Variants in DHPS observed in about 807,000 individuals in gnomAD.
DHPS encodes deoxyhypusine synthase, also known as migration-inducing gene 13.
A neutral mutation model predicts 38.7 loss-of-function variants in DHPS; 24 were observed. That is an observed-to-expected ratio of 0.62 (90% CI 0.45 to 0.87). The LOEUF (loss-of-function observed/expected upper bound fraction) is 0.87. DHPS is among the 40% of genes least tolerant of loss of function. DHPS has a pLI of 0.00. For synonymous variants in DHPS, 250 were observed against 204.4 expected (o/e 1.22, Z -1.90); for missense variants, 510 against 497.6 (o/e 1.02, Z -0.24).
At chr19:12,680,425 A>T (rs2024767698) in intron 1 of DHPS, 100 bp from the exon 2 acceptor site, 18 of 1,292,410 alleles carry the variant, frequency 1.4e-5, no homozygotes, top group Non-Finnish European at 2.0e-5. Flanking sequence ...GGCCCTGCAC[A>T]TTCAGGGATA....
chr19:12,678,107 C>T lies in DHPS; in HGVS notation c.679-711G>A, dbSNP rs1333894259. Among the ~76,000 whole-genome samples, 3 of 151,656 alleles carry T rather than the reference C, an allele frequency of 2.0e-5. No homozygotes were observed. The East Asian group carries it at 5.9e-4, about 30-fold the overall frequency. On this transcript the variant is annotated intron_variant, in intron 5 of 8. Coordinates refer to ENST00000210060, the MANE Select transcript of DHPS (RefSeq NM_001930.4). ...GCCTCTACTAAAAATACAAAATTAGCCAGGGGTGGTGGCACATGCCTATAA... is the reference window on the plus strand; with the variant it reads ...GCCTCTACTAAAAATACAAAATTAGTCAGGGGTGGTGGCACATGCCTATAA...
chr19:12,675,269 T>C (rs191624205), downstream of DHPS, among the ~76,000 whole-genome samples: 11 of 152,172 alleles, frequency 7.2e-5, no homozygotes, highest in Middle Eastern at 3.4e-3. Flanking sequence ...TCTGCTATTT[T>C]AAAAAATAAA....
Position 12,680,355 on chromosome 19 carries a change from A to G in DHPS, c.208-30T>C, listed in dbSNP as rs751713688. On this transcript the variant is annotated intron_variant, in intron 1 of 8. Coordinates refer to ENST00000210060, the MANE Select transcript of DHPS (RefSeq NM_001930.4). Reference sequence around the variant, plus strand: ...GAGTAAGGGCCAAGTCAAGTTAAGCACTGGCCTTAAATCCCAGACTCAGGA... The same window carrying G: ...GAGTAAGGGCCAAGTCAAGTTAAGCGCTGGCCTTAAATCCCAGACTCAGGA... 10 of 1,613,014 alleles carry G rather than the reference A, an allele frequency of 6.2e-6. No homozygotes were observed. The Admixed American group carries it at 1.7e-4, about 27-fold the overall frequency.
chr19:12,681,377 G>C, intron 1 of DHPS, 183 bp downstream of exon 1: 1 of 986,896 alleles, frequency 1.0e-6, no homozygotes, highest in African/African-American at 1.6e-5. Context: ...AACTACCAGA[G>C]TGCAAAATCC....
chr19:12,679,380 T>C (rs559494905), intron 5 of DHPS, 77 bp downstream of exon 5: 397 of 1,329,416 alleles, frequency 3.0e-4, no homozygotes, highest in Middle Eastern at 7.2e-4. Context: ...CAGTACTGAA[T>C]CCCCAGGAGG....
chr19:12,679,006 C>T (rs2024709529), intron 5 of DHPS, among the ~76,000 whole-genome samples: 1 of 150,934 alleles, frequency 6.6e-6, no homozygotes, highest in Non-Finnish European at 1.5e-5. Context: ...GACAAAATTA[C>T]CTAGCCTGGC....
chr19:12,675,155 G>T (rs561697494), downstream of DHPS, among the ~76,000 whole-genome samples: 1 of 152,198 alleles, frequency 6.6e-6, no homozygotes, highest in South Asian at 2.1e-4. Context: ...AGCCAGGCAT[G>T]GTGGCTCACA....
At chr19:12,681,506 T>A in intron 1 of DHPS, 54 bp downstream of exon 1, 1 of 1,596,412 alleles carries the variant, frequency 6.3e-7, no homozygotes, top group Non-Finnish European at 8.6e-7. Flanking sequence ...AGTACCGCGT[T>A]GGTTCTACAA....
intron 7 of DHPS, 140 bp downstream of exon 7, chr19:12,676,968 T>C: frequency 1.4e-6 from 1 of 729,712 alleles, no homozygotes; most frequent in Admixed American, 2.3e-5. Context: ...TGTCACTTGT[T>C]TGCTATCTCC....
intron 7 of DHPS, 178 bp from the exon 8 acceptor site, chr19:12,676,320 C>T (rs1047629538): frequency 2.0e-5 from 16 of 793,056 alleles, no homozygotes; most frequent in Non-Finnish European, 3.1e-5. Flanking sequence ...AGCTGCTGGG[C>T]AACGATGGCT....
intron 2 of DHPS, 32 bp from the exon 3 acceptor site, chr19:12,679,954 G>A: frequency 6.3e-7 from 1 of 1,599,952 alleles, no homozygotes; most frequent in Non-Finnish European, 8.5e-7. Flanking sequence ...TTTGGCCCAA[G>A]AAGGAAGCCC....
chr19:12,674,145 C>CT (rs1220574505), downstream of DHPS, among the ~76,000 whole-genome samples: 2 of 152,212 alleles, frequency 1.3e-5, no homozygotes, highest in African/African-American at 4.8e-5. Context: ...TCAGGCTGGG[C>CT]TGCAGATGCC....
intron 5 of DHPS, among the ~76,000 whole-genome samples, chr19:12,678,596 C>T (rs887874273): frequency 2.0e-5 from 3 of 151,300 alleles, no homozygotes; most frequent in Non-Finnish European, 4.4e-5. Flanking sequence ...ATGGTGAAAC[C>T]CCATCTGTAG....
downstream of DHPS, chr19:12,672,572 C>T (rs1473453527): frequency 6.4e-6 from 3 of 466,254 alleles, no homozygotes; most frequent in Admixed American, 1.0e-4. Context: ...CATGCCATTG[C>T]ACTCCAGCCT....
chr19:12,674,052 A>G (rs564144282), downstream of DHPS, among the ~76,000 whole-genome samples: 1 of 152,288 alleles, frequency 6.6e-6, no homozygotes, highest in African/African-American at 2.4e-5. Context: ...AGGGAACAGC[A>G]TATGTTAAGA....
In DHPS at chr19:12,679,838, G is replaced by T. The variant is rs746302965; in HGVS notation, c.457C>A (p.Leu153Ile). Residue 153 changes from leucine to isoleucine, a missense_variant, in exon 3 of 9, where the codon CTC becomes ATC. Transcript: ENST00000210060. ...TTCTCCCGGAGCTCCTTCCCCCTGA[G>T]GCTAAACTCGCCCAAGTATGTGGGC... Reference protein sequence around the residue: ...LAPTYLGEFSLRGKELRENGI... With the variant: ...LAPTYLGEFSIRGKELRENGI... 2 of 1,614,152 alleles carry T rather than the reference G, an allele frequency of 1.2e-6. No individual in the cohort carries two copies. Among genetic ancestry groups the T allele is most frequent in the Non-Finnish European group, 1.7e-6 (2 of 1,180,030 alleles).
chr19:12,673,411 T>TTGTTA, downstream of DHPS: 1 of 92,832 alleles, frequency 1.1e-5, no homozygotes, highest in Non-Finnish European at 1.9e-5. Flanking sequence ...GGCTAGGATC[T>TTGTTA]TTTTTTTTTT....
chr19:12,675,637 G>A (rs764078217), downstream of DHPS: 1 of 1,601,870 alleles, frequency 6.2e-7, no homozygotes, highest in South Asian at 1.1e-5. Flanking sequence ...GTGCTGGCGA[G>A]AGGAGGCCTA....
downstream of DHPS, chr19:12,675,693 G>A: frequency 6.3e-7 from 1 of 1,597,866 alleles, no homozygotes; most frequent in Non-Finnish European, 8.5e-7. Context: ...CCCACCAACA[G>A]GACCAAGGAC....
Sources: allele counts gnomAD v4.1 joint callset (sites outside exome capture counted in the v4.1 genomes callset), GRCh38; gene constraint gnomAD v4.1.1; transcripts MANE v1.5; gene names NCBI Gene and HGNC (gene_info 2026-07-23, HGNC 2026-07-21).